The following NCAM1 variants were observed in gnomAD, a reference collection of about 807,000 sequenced individuals.
The protein encoded by NCAM1 is antigen recognized by monoclonal antibody 5.1H11.
In NCAM1, 14 loss-of-function variants were observed where a neutral mutation model predicts 109.8. The ratio of observed to expected loss-of-function variants is 0.13; its 90% confidence interval spans 0.08 to 0.20. The LOEUF is 0.20. Among genes scored for constraint, NCAM1 ranks in the 10% least tolerant of loss-of-function variants. The probability of loss-of-function intolerance (pLI) is 1.00; values close to 1 mark genes in which losing one functional copy is unlikely to be tolerated. For missense variants in NCAM1, 774 were observed against 1,109.9 expected (o/e 0.70, Z 4.30); for synonymous variants, 418 against 442.9 (o/e 0.94, Z 0.70).
chr11:113,276,818 A>G lies in NCAM1; in HGVS notation c.*1431A>G, dbSNP rs1946406043. 8.5e-6 allele frequency: 1 copy of G among 117,992 alleles called. No individual in the cohort carries two copies. Among genetic ancestry groups the G allele is most frequent in the African/African-American group, 3.3e-5 (1 of 30,388 alleles). 7.3% of individuals were successfully genotyped at this position (117,992 alleles called of 1,614,324 possible). ...ACCAAGTGGGGGAAAAAATACAGAA[A>G]CTTTAAGGGGGATGGGAGGGGGGGG... On this transcript the variant is annotated 3_prime_UTR_variant, in exon 20 of 20. Coordinates refer to ENST00000316851, the MANE Select transcript of NCAM1 (RefSeq NM_181351.5).
chr11:113,056,024 T>A (rs868907991), intron 1 of NCAM1, among the ~76,000 whole-genome samples: 44 of 108,126 alleles, frequency 4.1e-4, no homozygotes, highest in South Asian at 1.2e-3. Context: ...TATATATATA[T>A]AAAATATATA....
intron 1 of NCAM1, among the ~76,000 whole-genome samples, chr11:113,056,024 T>TATAA (rs1953700018): frequency 4.6e-5 from 5 of 108,140 alleles, no homozygotes; most frequent in African/African-American, 1.1e-4. Context: ...TATATATATA[T>TATAA]AAAATATATA....
chr11:113,133,732 T>G (rs1412224110), intron 1 of NCAM1: 1 of 152,164 alleles, frequency 6.6e-6, no homozygotes. Flanking sequence ...TGGAGAAACA[T>G]TCACAGACAT....
intron 1 of NCAM1, among the ~76,000 whole-genome samples, chr11:113,121,574 A>T (rs914490305): frequency 5.4e-5 from 8 of 148,360 alleles, no homozygotes; most frequent in African/African-American, 2.0e-4. Context: ...TGTACTCCAG[A>T]AAGGGGCTTT....
intron 1 of NCAM1, among the ~76,000 whole-genome samples, chr11:113,086,755 A>G (rs1472947947): frequency 6.6e-6 from 1 of 152,194 alleles, no homozygotes; most frequent in East Asian, 1.9e-4. Context: ...AGAGGATTGG[A>G]TTAGGAAACT....
At chr11:113,199,432 C>G (rs1555111425) in intron 1 of NCAM1, among the ~76,000 whole-genome samples, 1 of 152,072 alleles carries the variant, frequency 6.6e-6, no homozygotes, top group Non-Finnish European at 1.5e-5. Flanking sequence ...GAATAATCAG[C>G]CATTGTGCTG....
intron 1 of NCAM1, among the ~76,000 whole-genome samples, chr11:113,148,543 T>A (rs1400868254): frequency 2.0e-5 from 3 of 152,130 alleles, no homozygotes; most frequent in African/African-American, 7.2e-5. Context: ...CTGCTTGAAT[T>A]CCAGCCCCAA....
At chr11:113,104,207 T>TGGGGGGGGGGG (rs1345382907) in intron 1 of NCAM1, among the ~76,000 whole-genome samples, 2 of 19,268 alleles carry the variant, frequency 1.0e-4, no homozygotes, top group Non-Finnish European at 2.0e-4. Flanking sequence ...GGAGGTGGGG[T>TGGGGGGGGGGG]GGGGGGGGGG....
At chr11:113,262,864 C>T in intron 17 of NCAM1, 1 of 1,613,950 alleles carries the variant, frequency 6.2e-7, no homozygotes, top group Non-Finnish European at 8.5e-7. Flanking sequence ...GGAGGCAATT[C>T]TGCATCCTAC....
At chr11:113,158,289 C>T (rs1305140153) in intron 1 of NCAM1, among the ~76,000 whole-genome samples, 3 of 149,764 alleles carry the variant, frequency 2.0e-5, no homozygotes, top group Non-Finnish European at 4.5e-5. Flanking sequence ...TTACTTCATT[C>T]ATTGTTGGGA....
chr11:113,221,658 C>T (rs782400402), intron 9 of NCAM1: 1 of 272,978 alleles, frequency 3.7e-6, no homozygotes, highest in Non-Finnish European at 7.1e-6. Context: ...AGTTTTTTGA[C>T]TCACATGGTT....
At chr11:112,975,334 A>C (rs950188811) in intron 1 of NCAM1, among the ~76,000 whole-genome samples, 1 of 152,020 alleles carries the variant, frequency 6.6e-6, no homozygotes, top group African/African-American at 2.4e-5. Context: ...CATTGACTTA[A>C]TCCAGTATTT....
chr11:113,134,287 C>T (rs1941518547), intron 1 of NCAM1, among the ~76,000 whole-genome samples: 2 of 152,188 alleles, frequency 1.3e-5, no homozygotes, highest in African/African-American at 2.4e-5. Flanking sequence ...CCTCATGGCT[C>T]ATCCATATTT....
chr11:113,137,233 G>A (rs565622735), intron 1 of NCAM1, among the ~76,000 whole-genome samples: 2 of 152,256 alleles, frequency 1.3e-5, no homozygotes, highest in South Asian at 2.1e-4. Context: ...GTAAAATATA[G>A]AAATCGCTTA....
intron 1 of NCAM1, among the ~76,000 whole-genome samples, chr11:113,087,919 G>A (rs1295006949): frequency 6.6e-6 from 1 of 152,200 alleles, no homozygotes; most frequent in African/African-American, 2.4e-5. Context: ...CTGCATGACT[G>A]TAGCTGGCAG....
At chr11:113,210,971 CT>C (rs1344158745) in intron 7 of NCAM1, among the ~76,000 whole-genome samples, 30 of 152,164 alleles carry the variant, frequency 2.0e-4, no homozygotes, top group Admixed American at 6.5e-4. Context: ...GAATCCTCCC[CT>C]GTCATAGTCT....
In NCAM1 at chr11:113,233,584, C is replaced by T. The variant is rs1349435933; in HGVS notation, c.1693+267C>T. 7.9e-5 allele frequency among the ~76,000 whole-genome samples: 12 copies of T among 152,162 alleles called. No individual in the cohort carries two copies. The highest frequency in any genetic ancestry group is 3.3e-4 in the Admixed American group (5 of 15,274). ...GCAGGAACCTTGTGTAGGTTCTGAG[C>T]GCAGCCAGATGAGTCCAGCCCATAG... On this transcript the variant is annotated intron_variant, in intron 13 of 19. Transcript: ENST00000316851. This position sits in a 1 kb window ranked among gnomAD's most constrained non-coding sequence, Gnocchi z 4.5.
chr11:113,197,627 T>C (rs1555111063), intron 1 of NCAM1, among the ~76,000 whole-genome samples: 1 of 152,198 alleles, frequency 6.6e-6, no homozygotes, highest in African/African-American at 2.4e-5. Context: ...TGAACATCTG[T>C]AATGTCTTCC....
intron 1 of NCAM1, among the ~76,000 whole-genome samples, chr11:112,988,201 G>A (rs533734798): frequency 8.5e-5 from 13 of 152,074 alleles, no homozygotes; most frequent in African/African-American, 2.7e-4. Flanking sequence ...CTTATTTTAC[G>A]TTTTTGTGTC....
Sources: allele counts gnomAD v4.1 joint callset (sites outside exome capture counted in the v4.1 genomes callset), GRCh38; gene constraint gnomAD v4.1.1; non-coding constraint Gnocchi (gnomAD v3.1); transcripts MANE v1.5; gene names NCBI Gene and HGNC (gene_info 2026-07-23, HGNC 2026-07-21).